DNAH11: variants seen among roughly 807,000 people sequenced by gnomAD.
The protein encoded by DNAH11 is dynein axonemal heavy chain 11.
A neutral mutation model predicts 526.0 loss-of-function variants in DNAH11; 442 were observed. The ratio of observed to expected loss-of-function variants is 0.84; its 90% confidence interval spans 0.78 to 0.91. DNAH11 has a LOEUF of 0.91. Among genes scored for constraint, DNAH11 ranks in the 40% least tolerant of loss-of-function variants. The probability of loss-of-function intolerance (pLI) is 0.00; values close to 1 mark genes in which losing one functional copy is unlikely to be tolerated. For synonymous variants in DNAH11, 2,461 were observed against 1,935.9 expected, an observed-to-expected ratio of 1.27 and a Z score of -7.12; for missense variants, 6,989 against 5,448.7, an observed-to-expected ratio of 1.28 and a Z score of -8.90.
intron 74 of DNAH11, among the ~76,000 whole-genome samples, chr7:21,879,375 T>A (rs1783830240): frequency 6.6e-6 from 1 of 152,004 alleles, no homozygotes; most frequent in Non-Finnish European, 1.5e-5. Flanking sequence ...AAGAATCGCC[T>A]GAACCCTGGA....
At chr7:21,782,433 G>T (rs894151777) in intron 57 of DNAH11, among the ~76,000 whole-genome samples, 7 of 152,164 alleles carry the variant, frequency 4.6e-5, no homozygotes, top group African/African-American at 1.4e-4. Context: ...TAGTATTGTC[G>T]CACCTTAGGG....
chr7:21,591,175 C>G lies in DNAH11; in HGVS notation c.2275-10C>G. ...TTGGCACTTTTTGTTTTGGGGTTTT[C>G]TTTGCTCAGTACATTGGAAATCTTG... On this transcript the variant is annotated splice_polypyrimidine_tract_variant and intron_variant, in intron 13 of 81. Transcript: ENST00000409508. 1 of 1,526,824 alleles carries G rather than the reference C, an allele frequency of 6.5e-7. No homozygotes were observed. The highest frequency in any genetic ancestry group is 1.4e-5 in the African/African-American group (1 of 71,792). The allele number at this position is 1,526,824 out of a possible 1,614,324, so 94.6% of individuals were successfully genotyped here.
intron 28 of DNAH11, among the ~76,000 whole-genome samples, chr7:21,642,358 C>T (rs1787167903): frequency 6.6e-6 from 1 of 152,140 alleles, no homozygotes; most frequent in Admixed American, 6.5e-5. Flanking sequence ...CCATAGTCGG[C>T]TTCTTTCCCT....
At chr7:21,745,134 A>G (rs1394600399) in intron 51 of DNAH11, 71 bp downstream of exon 51, 1 of 1,462,794 alleles carries the variant, frequency 6.8e-7, no homozygotes, top group East Asian at 2.4e-5. Context: ...GTCATTTTTC[A>G]ATAGATCATA....
At chr7:21,761,408 T>C (rs1205666609) in intron 54 of DNAH11, among the ~76,000 whole-genome samples, 2 of 151,394 alleles carry the variant, frequency 1.3e-5, no homozygotes, top group Non-Finnish European at 2.9e-5. Context: ...TTTAAAATTC[T>C]CTAAAGTTTT....
Position 21,559,579 on chromosome 7 carries a change from A to G in DNAH11, c.693-24A>G, listed in dbSNP as rs774347191. ...GGATAAAATGATTCATCTTTGAATTATTTTATTATCTTAATGTTTGTAGGC... is the reference window on the plus strand; with the variant it reads ...GGATAAAATGATTCATCTTTGAATTGTTTTATTATCTTAATGTTTGTAGGC... On this transcript the variant is annotated intron_variant, in intron 3 of 81. Coordinates refer to ENST00000409508, the MANE Select transcript of DNAH11 (RefSeq NM_001277115.2). 7.8e-6 allele frequency: 12 copies of G among 1,537,402 alleles called. No homozygotes were observed. The Admixed American group carries it at 1.4e-4, about 18-fold the overall frequency.
intron 61 of DNAH11, among the ~76,000 whole-genome samples, chr7:21,794,635 CT>C (rs1788628893): frequency 6.6e-6 from 1 of 152,026 alleles, no homozygotes; most frequent in Non-Finnish European, 1.5e-5. Context: ...CAGTGTGGTG[CT>C]GTTGAACAGC....
chr7:21,846,446 A>G (rs1233422754), intron 66 of DNAH11, among the ~76,000 whole-genome samples: 1 of 152,054 alleles, frequency 6.6e-6, no homozygotes, highest in Non-Finnish European at 1.5e-5. Flanking sequence ...TTACTGTTAA[A>G]TTTTATCAAA....
At chr7:21,844,360 G>A (rs1442253719) in intron 66 of DNAH11, among the ~76,000 whole-genome samples, 1 of 152,210 alleles carries the variant, frequency 6.6e-6, no homozygotes. Context: ...CAGGGGCAGA[G>A]GTTGCAGTGT....
Position 21,658,904 on chromosome 7 carries a change from T to C in DNAH11, c.5201T>C (p.Ile1734Thr), listed in dbSNP as rs1782130535. The change falls in exon 30 of 82, where the codon ATT (isoleucine) becomes ACT (threonine). Residue 1734 changes from isoleucine to threonine, a missense_variant. Transcript: ENST00000409508. ...GAGGAAAAACCTAGGGAACTGTGGA[T>C]TTTTGATTTCCCAGCTCAGGTTGCA... ...AYEEKPRELWIFDFPAQVALT... is the reference protein window; with the variant it reads ...AYEEKPRELWTFDFPAQVALT... The C allele has an allele frequency of 6.2e-7, 1 of 1,610,240 alleles. No individual in the cohort carries two copies. The highest frequency in any genetic ancestry group is 8.5e-7 in the Non-Finnish European group (1 of 1,178,398).
chr7:21,555,279 T>G (rs1783171961), intron 2 of DNAH11, among the ~76,000 whole-genome samples: 1 of 152,204 alleles, frequency 6.6e-6, no homozygotes, highest in Non-Finnish European at 1.5e-5. Flanking sequence ...CAGCAACGCT[T>G]TATCATCTTT....
intron 6 of DNAH11, among the ~76,000 whole-genome samples, chr7:21,568,992 T>G (rs939443253): frequency 1.3e-5 from 2 of 152,216 alleles, no homozygotes; most frequent in African/African-American, 2.4e-5. Context: ...AGGTTAATTT[T>G]CTATCTAACC....
At chr7:21,690,463 C>T (rs944357917) in intron 34 of DNAH11, among the ~76,000 whole-genome samples, 1 of 152,162 alleles carries the variant, frequency 6.6e-6, no homozygotes, top group Non-Finnish European at 1.5e-5. Context: ...AATGCCATCA[C>T]CTCCTTCCAT....
rs145778222 is a variant in DNAH11 at position 21,627,755 on chromosome 7, A to C, written c.4500+7677A>C. Among the ~76,000 whole-genome samples the C allele has an allele frequency of 3.5e-4, 54 of 152,274 alleles. No individual in the cohort carries two copies. The East Asian group carries it at 8.7e-3, about 25-fold the overall frequency. Reference sequence around the variant, plus strand: ...CTTTTTGCTCAGGATTGCTTTGACTATTCAGGGTCTTCTGTGATTCCATAT... The same window carrying C: ...CTTTTTGCTCAGGATTGCTTTGACTCTTCAGGGTCTTCTGTGATTCCATAT... On this transcript the variant is annotated intron_variant, in intron 25 of 81. Transcript: ENST00000409508.
At chr7:21,729,427 T>C (rs1785276686) in intron 45 of DNAH11, among the ~76,000 whole-genome samples, 1 of 152,238 alleles carries the variant, frequency 6.6e-6, no homozygotes, top group Non-Finnish European at 1.5e-5. Context: ...TTTCTCATGT[T>C]CTGCGTATGG....
intron 37 of DNAH11, 76 bp from the exon 38 acceptor site, chr7:21,704,358 A>C (rs1266026857): frequency 6.3e-6 from 9 of 1,425,196 alleles, no homozygotes; most frequent in Non-Finnish European, 6.7e-6. Flanking sequence ...AGGAGTAAAA[A>C]TAACAAACAT....
intron 5 of DNAH11, among the ~76,000 whole-genome samples, chr7:21,562,758 G>A (rs1255669076): frequency 6.6e-6 from 1 of 151,950 alleles, no homozygotes; most frequent in East Asian, 1.9e-4. Flanking sequence ...GATAAAAATA[G>A]TAATTTTGAA....
At chr7:21,814,408 A>C (rs1380086289) in intron 63 of DNAH11, among the ~76,000 whole-genome samples, 1 of 150,450 alleles carries the variant, frequency 6.6e-6, no homozygotes, top group Non-Finnish European at 1.5e-5. Context: ...GTACATGTGC[A>C]CATTGTGCGG....
rs1346058383 is a variant in DNAH11 at position 21,658,974 on chromosome 7, C to G, written c.5271C>G (p.Ala1757=). Residue 1757 remains alanine, a synonymous_variant, in exon 30 of 82, where the codon GCC becomes GCG. Coordinates refer to ENST00000409508, the MANE Select transcript of DNAH11 (RefSeq NM_001277115.2). ...QIWWTTDVGI[A]FSRLEEGYET... ...GGTGGACCACAGATGTAGGAATAGC[C>G]TTCAGTAGACTGGAAGAAGGCTACG... 2 of 1,610,066 alleles carry G rather than the reference C, an allele frequency of 1.2e-6. No homozygotes were observed. Among genetic ancestry groups the G allele is most frequent in the South Asian group, 2.2e-5 (2 of 90,128 alleles).
Sources: gnomAD v4.1 joint callset for allele counts (sites outside exome capture counted in the v4.1 genomes callset) on GRCh38, gnomAD v4.1.1 for gene constraint, MANE v1.5 for transcripts, NCBI Gene and HGNC (gene_info 2026-07-23, HGNC 2026-07-21) for gene names.